The following PKD1L1 variants were observed in gnomAD, a reference collection of about 807,000 sequenced individuals.
PKD1L1 encodes the protein polycystin-1-like protein 1.
PKD1L1 carries 236 observed loss-of-function variants against 323.4 expected under a neutral mutation model. The observed-to-expected ratio is 0.73, with a 90% CI of 0.66 to 0.81. The LOEUF is 0.81. PKD1L1 is among the 40% of genes least tolerant of loss of function. PKD1L1 has a pLI of 0.00. For synonymous variants in PKD1L1, 1,344 were observed against 1,335.0 expected (o/e 1.01, Z -0.15); for missense variants, 3,320 against 3,508.0 (o/e 0.95, Z 1.35).
intron 47 of PKD1L1, 102 bp downstream of exon 47, chr7:47,815,232 A>C: frequency 6.9e-7 from 1 of 1,459,212 alleles, no homozygotes; most frequent in Non-Finnish European, 9.2e-7. Context: ...TGGTCATTCA[A>C]GAACCTATGC....
At chr7:47,864,934 G>A (rs1786130587) in intron 26 of PKD1L1, among the ~76,000 whole-genome samples, 1 of 151,960 alleles carries the variant, frequency 6.6e-6, no homozygotes, top group South Asian at 2.1e-4. Flanking sequence ...CACCATGTTG[G>A]TCAGGCTGGT....
At chr7:47,796,270 G>A in intron 54 of PKD1L1, 120 bp from the exon 55 acceptor site, 19 of 966,912 alleles carry the variant, frequency 2.0e-5, no homozygotes, top group South Asian at 8.5e-5. Context: ...ACGAGCTTTT[G>A]GTAAAATAGT....
chr7:47,810,880 T>TA (rs1191557737), intron 50 of PKD1L1, among the ~76,000 whole-genome samples: 2 of 152,152 alleles, frequency 1.3e-5, no homozygotes, highest in African/African-American at 4.8e-5. Flanking sequence ...CCCTAACTCC[T>TA]AGTGTGGATA....
chr7:47,914,897 G>A (rs879624060), intron 8 of PKD1L1, among the ~76,000 whole-genome samples: 4 of 152,166 alleles, frequency 2.6e-5, no homozygotes, highest in Non-Finnish European at 5.9e-5. Flanking sequence ...GAGGGACACA[G>A]GGCTGCAACT....
intron 4 of PKD1L1, among the ~76,000 whole-genome samples, chr7:47,933,913 C>T (rs1313297466): frequency 2.0e-5 from 3 of 152,124 alleles, no homozygotes; most frequent in South Asian, 2.1e-4. Context: ...TGACATCTGC[C>T]GCCAGAAGCT....
Position 47,885,693 on chromosome 7 carries a change from G to A in PKD1L1, c.3198C>T (p.His1066=). The part of the protein sequence containing the change: ...RSQPTHSPDP[H]LSDFEAYYSD... ...AGGAACAGTGGCACTTACCAGAGAG[G>A]TGAGGGTCAGGGCTGTGGGTGGGCT... The change falls in exon 18 of 57, where the codon CAC becomes CAT. Residue 1066 remains histidine, a synonymous_variant. Transcript: ENST00000289672. 6.2e-7 allele frequency: 1 copy of A among 1,611,728 alleles called. No individual in the cohort carries two copies. Among genetic ancestry groups the A allele is most frequent in the South Asian group, 1.1e-5 (1 of 90,838 alleles).
chr7:47,839,428 C>A lies in PKD1L1; in HGVS notation c.5769+18G>T. 3 of 1,590,884 alleles carry A rather than the reference C, an allele frequency of 1.9e-6. No individual in the cohort carries two copies. The highest frequency in any genetic ancestry group is 1.7e-6 in the Non-Finnish European group (2 of 1,166,326). The stretch of plus-strand genomic sequence containing the variant: ...GTCAGCCAGGTGCGCCACGAGAGGC[C>A]ACCTGGAGGGAGCCTACCTTCCGGA... On this transcript the variant is annotated intron_variant, in intron 36 of 56. Coordinates refer to ENST00000289672, the MANE Select transcript of PKD1L1 (RefSeq NM_138295.5). This position sits in a 1 kb window ranked among gnomAD's most constrained non-coding sequence, Gnocchi z 4.3.
chr7:47,886,171 A>C, intron 17 of PKD1L1, 117 bp from the exon 18 acceptor site: 1 of 1,347,334 alleles, frequency 7.4e-7, no homozygotes, highest in East Asian at 2.5e-5. Context: ...TGTGAATTTG[A>C]AAACCTACAC....
At position 47,883,118 on chromosome 7, in the gene PKD1L1, C is replaced by T. The variant is rs146956108; in HGVS notation, c.3266-1033G>A. On this transcript the variant is annotated intron_variant, in intron 19 of 56. Coordinates refer to ENST00000289672, the MANE Select transcript of PKD1L1 (RefSeq NM_138295.5). ...ATTGATTAAGCACCTACTGTGAGTA[C>T]GAATGTGAGCCTCTACAACAGATCT... Among the ~76,000 whole-genome samples, 421 of 152,302 alleles carry T rather than the reference C, an allele frequency of 2.8e-3. 5 individuals carry two copies. Among genetic ancestry groups the T allele is most frequent in the African/African-American group, 9.4e-3 (389 of 41,554 alleles).
intron 12 of PKD1L1, 137 bp downstream of exon 12, chr7:47,904,241 A>C: frequency 8.2e-7 from 1 of 1,213,968 alleles, no homozygotes; most frequent in Non-Finnish European, 1.1e-6. Flanking sequence ...GTCAGGTCTT[A>C]TTTGTCTCTG....
At chr7:47,795,857 T>G (rs1483165247) in intron 55 of PKD1L1, 132 bp downstream of exon 55, 1 of 1,079,190 alleles carries the variant, frequency 9.3e-7, no homozygotes, top group African/African-American at 1.6e-5. Context: ...TGAGACTAAT[T>G]TTGTGGCTTT....
intron 23 of PKD1L1, among the ~76,000 whole-genome samples, chr7:47,874,722 A>AAAG (rs77038968): frequency 0.36 from 55,142 of 151,794 alleles, 11,404 homozygotes; most frequent in African/African-American, 0.57. Flanking sequence ...AGAAAATCCC[A>AAAG]AAGGAGCAGT....
chr7:47,863,264 A>G (rs975074044), intron 26 of PKD1L1, among the ~76,000 whole-genome samples: 1 of 151,910 alleles, frequency 6.6e-6, no homozygotes, highest in Non-Finnish European at 1.5e-5. Flanking sequence ...GGAGGAGCCC[A>G]CTCTGCCATG....
chr7:47,923,307 G>A (rs1349355701), intron 7 of PKD1L1, among the ~76,000 whole-genome samples: 5 of 124,564 alleles, frequency 4.0e-5, no homozygotes, highest in African/African-American at 1.6e-4. Flanking sequence ...CCGTCTCCGA[G>A]AAACACCCAA....
At chr7:47,932,716 G>A (rs1376046731) in intron 4 of PKD1L1, among the ~76,000 whole-genome samples, 1 of 152,234 alleles carries the variant, frequency 6.6e-6, no homozygotes, top group East Asian at 1.9e-4. Context: ...CCTCTGGCAA[G>A]ACCAGCCTTA....
intron 24 of PKD1L1, 70 bp downstream of exon 24, chr7:47,873,829 T>C (rs1039183925): frequency 8.2e-6 from 10 of 1,214,396 alleles, no homozygotes; most frequent in South Asian, 1.4e-5. Flanking sequence ...GTTAACAACT[T>C]GGGGGAGAGC....
chr7:47,808,181 C>T lies in PKD1L1; in HGVS notation c.7827+66G>A, dbSNP rs1784819762. 8 of 1,569,690 alleles carry T rather than the reference C, an allele frequency of 5.1e-6. No individual in the cohort carries two copies. The South Asian group carries it at 6.9e-5, about 14-fold the overall frequency. The stretch of plus-strand genomic sequence containing the variant: ...TCGCACCTTCTAGAGTTTGTGTGAC[C>T]TCTGCCTTTTGGATGGCATCACAGT... On this transcript the variant is annotated intron_variant, in intron 52 of 56. Transcript: ENST00000289672.
At chr7:47,829,286 G>A (rs530166678) in intron 44 of PKD1L1, 139 bp downstream of exon 44, 2 of 795,240 alleles carry the variant, frequency 2.5e-6, no homozygotes, top group African/African-American at 1.7e-5. Flanking sequence ...GTGCAAAGAA[G>A]CATAAGAAAT....
intron 7 of PKD1L1, 30 bp downstream of exon 7, chr7:47,929,174 G>A: frequency 6.3e-7 from 1 of 1,590,620 alleles, no homozygotes; most frequent in East Asian, 2.2e-5. Flanking sequence ...CTCCTTCCCA[G>A]GCTCCTGATA....
Sources: allele counts gnomAD v4.1 joint callset (sites outside exome capture counted in the v4.1 genomes callset), GRCh38; gene constraint gnomAD v4.1.1; non-coding constraint Gnocchi (gnomAD v3.1); transcripts MANE v1.5; gene names NCBI Gene and HGNC (gene_info 2026-07-23, HGNC 2026-07-21).